Variants in FBN3 observed in about 807,000 individuals in gnomAD.
FBN3 encodes fibrillin 3, also known as fibrillin-3.
FBN3 carries 234 observed loss-of-function variants against 330.1 expected under a neutral mutation model. That is an observed-to-expected ratio of 0.71 (90% CI 0.64 to 0.79). FBN3 has a LOEUF of 0.79. Ranked by LOEUF, FBN3 falls within the 30% of genes least tolerant of loss-of-function variation. FBN3 has a pLI of 0.00. For synonymous variants in FBN3, 1,458 were observed against 1,517.3 expected (o/e 0.96, Z 0.91); for missense variants, 3,606 against 3,886.9 (o/e 0.93, Z 1.92).
chr19:8,112,237 C>T, intron 30 of FBN3, 138 bp from the exon 31 acceptor site: 2 of 844,508 alleles, frequency 2.4e-6, no homozygotes, highest in Non-Finnish European at 3.6e-6. Context: ...ACCTGGGGAG[C>T]TTCCATCTTT....
In FBN3 at chr19:8,109,534, G is replaced by T. The variant is rs1202961741; in HGVS notation, c.4456+97C>A. On this transcript the variant is annotated intron_variant, in intron 35 of 63. Coordinates refer to ENST00000600128, the MANE Select transcript of FBN3 (RefSeq NM_032447.5). This position sits in a 1 kb window ranked among gnomAD's most constrained non-coding sequence, Gnocchi z 5.2. ...ATGTCCCGTTTGTCAGGAGCAGGTA[G>T]ATTTGAACACGTTGACATCTGAGTT... 6 of 1,541,500 alleles carry T rather than the reference G, an allele frequency of 3.9e-6. No homozygotes were observed. The African/African-American group carries it at 8.1e-5, about 21-fold the overall frequency.
intron 10 of FBN3, among the ~76,000 whole-genome samples, chr19:8,137,108 T>G (rs936761167): frequency 6.8e-6 from 1 of 147,196 alleles, no homozygotes; most frequent in Non-Finnish European, 1.5e-5. Context: ...GGTGCCTAGA[T>G]CCCTCCAACC....
chr19:8,083,809 T>TC (rs55990065), intron 56 of FBN3, among the ~76,000 whole-genome samples: 7 of 145,356 alleles, frequency 4.8e-5, no homozygotes, highest in Non-Finnish European at 4.6e-5. Context: ...TTTTTTCTTT[T>TC]TTTTTTTTTT....
In FBN3 at chr19:8,077,589, C is replaced by T. The variant is rs767935112; in HGVS notation, c.7454-2178G>A. ...AGGAGGCAGAGGATGCAGTGAGCCA[C>T]GATCACGCCCCTGCGCTCCAGCCTG... On this transcript the variant is annotated intron_variant, in intron 59 of 63. Coordinates refer to ENST00000600128, the MANE Select transcript of FBN3 (RefSeq NM_032447.5). Among the ~76,000 whole-genome samples the T allele has an allele frequency of 5.9e-5, 9 of 152,110 alleles. No homozygotes were observed. In the East Asian group the frequency reaches 1.7e-3, roughly 29 times the overall value.
intron 49 of FBN3, 49 bp from the exon 50 acceptor site, chr19:8,090,008 C>T (rs1388281265): frequency 6.2e-7 from 1 of 1,601,380 alleles, no homozygotes; most frequent in South Asian, 1.1e-5. Context: ...AGGTGCAGCC[C>T]CCAGGTGTGT....
At chr19:8,111,624 G>GGC in intron 32 of FBN3, 24 bp downstream of exon 32, 4 of 1,453,540 alleles carry the variant, frequency 2.8e-6, no homozygotes, top group Non-Finnish European at 3.8e-6. Context: ...TAGGGCCCCT[G>GGC]CCCTCCCACC....
chr19:8,117,488 T>G lies in FBN3; in HGVS notation c.3439A>C (p.Thr1147Pro), dbSNP rs779261136. 3.4e-5 allele frequency: 53 copies of G among 1,560,382 alleles called. No individual in the cohort carries two copies. Among genetic ancestry groups the G allele is most frequent in the Non-Finnish European group, 4.3e-5 (50 of 1,151,910 alleles). ...CCCACGCAGCCCTGGCGGTCAGGTGTGCTCTGGAAGCCGGCATGGCAGGAG... is the reference window on the plus strand; with the variant it reads ...CCCACGCAGCCCTGGCGGTCAGGTGGGCTCTGGAAGCCGGCATGGCAGGAG... The part of the protein sequence containing the change: ...QCSCHAGFQS[T>P]PDRQGCVDIN... Residue 1147 changes from threonine (T) to proline (P), a missense_variant, in exon 27 of 64, where the codon ACA (threonine) becomes CCA (proline). By Grantham distance (38) the Thr-to-Pro change is conservative (BLOSUM62 -1). Coordinates refer to ENST00000600128, the MANE Select transcript of FBN3 (RefSeq NM_032447.5).
chr19:8,097,845 G>A (rs1207118689), intron 41 of FBN3, among the ~76,000 whole-genome samples: 1 of 152,206 alleles, frequency 6.6e-6, no homozygotes, highest in Non-Finnish European at 1.5e-5. Flanking sequence ...TGACAATGTG[G>A]TTGAAACCTA....
chr19:8,068,357 C>T (rs76486281), intron 63 of FBN3, among the ~76,000 whole-genome samples: 21,334 of 149,800 alleles, frequency 0.14, 1,997 homozygotes, highest in East Asian at 0.42. Context: ...CGCTGCTGCA[C>T]TCCAGCCTGG....
intron 38 of FBN3, among the ~76,000 whole-genome samples, chr19:8,105,725 T>C (rs940790292): frequency 6.6e-6 from 1 of 152,148 alleles, no homozygotes; most frequent in Admixed American, 6.6e-5. Flanking sequence ...AGCAGGGAAC[T>C]CCAGGGCTCC....
At chr19:8,143,497 C>CTTTTTTTTTT (rs557671451) in intron 6 of FBN3, among the ~76,000 whole-genome samples, 14 of 126,078 alleles carry the variant, frequency 1.1e-4, no homozygotes, top group South Asian at 4.9e-4. Context: ...CTTTTCTTTT[C>CTTTTTTTTTT]TTTTTTTTTT....
Position 8,108,139 on chromosome 19 carries a change from CAGAT to C in FBN3, c.4687+27_4687+30del, listed in dbSNP as rs765314770. The C allele has an allele frequency of 4.3e-5, 69 of 1,600,234 alleles. No homozygotes were observed. The South Asian group carries it at 6.0e-4, about 14-fold the overall frequency. Reference sequence around the variant, plus strand: ...AGAGAAAAGTCAGTCTCTAGGCAGACAGATGGATGGATGATCTGCCAGGAACTCA... The same window carrying C: ...AGAGAAAAGTCAGTCTCTAGGCAGACGGATGGATGATCTGCCAGGAACTCA... On this transcript the variant is annotated intron_variant, in intron 37 of 63. Transcript: ENST00000600128.
chr19:8,140,342 T>C lies in FBN3; in HGVS notation c.865+1375A>G, dbSNP rs1433328009. ...AGCCGGGCATGGTGGTGGGTGCCTG[T>C]AATCCCAGCTACTGGGGAGGCTGAG... On this transcript the variant is annotated intron_variant, in intron 8 of 63. Transcript: ENST00000600128. Among the ~76,000 whole-genome samples the C allele has an allele frequency of 2.6e-5, 4 of 152,308 alleles. No homozygotes were observed. In the East Asian group the frequency reaches 7.7e-4, roughly 29 times the overall value.
chr19:8,102,409 G>A (rs1412622985), intron 40 of FBN3, among the ~76,000 whole-genome samples: 1 of 151,758 alleles, frequency 6.6e-6, no homozygotes, highest in Non-Finnish European at 1.5e-5. Context: ...GTAGAGACAG[G>A]GTTTCACTGT....
At position 8,083,805 on chromosome 19, in the gene FBN3, C is replaced by CTTTTCTTTTTT. The variant is rs766533055; in HGVS notation, c.7088-434_7088-433insAAAAAAGAAAA. 2.7e-3 allele frequency among the ~76,000 whole-genome samples: 357 copies of CTTTTCTTTTTT among 134,058 alleles called. 11 individuals are homozygous for CTTTTCTTTTTT. Among genetic ancestry groups the CTTTTCTTTTTT allele is most frequent in the Non-Finnish European group, 4.3e-3 (271 of 62,466 alleles). 87.9% of individuals were successfully genotyped at this position (134,058 alleles called of 152,430 possible). A position where few individuals can be genotyped will look rare whatever the true frequency, so the allele number is the denominator to read the frequency against. On this transcript the variant is annotated intron_variant, in intron 56 of 63. Coordinates refer to ENST00000600128, the MANE Select transcript of FBN3 (RefSeq NM_032447.5). ...TTCCTCCCCAGTCCTACTATTTTTT[C>CTTTTCTTTTTT]TTTTTTTTTTTTTTTGAGACAGAGT...
At chr19:8,087,383 T>C (rs1201030457) in intron 53 of FBN3, among the ~76,000 whole-genome samples, 172 bp from the exon 54 acceptor site, 5 of 151,990 alleles carry the variant, frequency 3.3e-5, no homozygotes, top group African/African-American at 9.7e-5. Flanking sequence ...AGCCCCAGCC[T>C]CCAAGAAGCT....
chr19:8,135,935 T>TGGGGGGGGGGGGGGGGGGGGGG, intron 13 of FBN3, 26 bp downstream of exon 13: 12 of 1,344,148 alleles, frequency 8.9e-6, no homozygotes, highest in African/African-American at 1.5e-5. Flanking sequence ...CGGAAGCCCC[T>TGGGGGGGGGGGGGGGGGGGGGG]GCCCACCCGC....
Position 8,109,496 on chromosome 19 carries a change from A to G in FBN3, c.4457-108T>C. On this transcript the variant is annotated intron_variant, in intron 35 of 63. Coordinates refer to ENST00000600128, the MANE Select transcript of FBN3 (RefSeq NM_032447.5). The surrounding 1 kb of genome is among the most constrained non-coding windows in gnomAD (Gnocchi z 5.2). ...AGGTGACAAGGACAACCACTCTTGC[A>G]GGAGACCAGCAGATGTCCCGTTTGT... 1 of 1,537,552 alleles carries G rather than the reference A, an allele frequency of 6.5e-7. No homozygotes were observed. Among genetic ancestry groups the G allele is most frequent in the African/African-American group, 1.4e-5 (1 of 73,856 alleles).
At chr19:8,091,931 C>T (rs1042840268) in intron 47 of FBN3, among the ~76,000 whole-genome samples, 2 of 152,100 alleles carry the variant, frequency 1.3e-5, no homozygotes, top group Admixed American at 6.6e-5. Flanking sequence ...CCTGTAATCC[C>T]AGCACTTTGG....
Sources: gnomAD v4.1 joint callset for allele counts (sites outside exome capture counted in the v4.1 genomes callset) on GRCh38, gnomAD v4.1.1 for gene constraint, Gnocchi (gnomAD v3.1) non-coding constraint, MANE v1.5 for transcripts, NCBI Gene and HGNC (gene_info 2026-07-23, HGNC 2026-07-21) for gene names.